Variants in FZD6 observed in about 807,000 individuals in gnomAD.
FZD6 encodes the protein frizzled class receptor 6.
Under a neutral mutation model 61.4 loss-of-function variants are expected in FZD6, and 49 were observed. That is an observed-to-expected ratio of 0.80 (90% CI 0.63 to 1.01). The LOEUF is 1.01. Among genes scored for constraint, FZD6 ranks in the 50% least tolerant of loss-of-function variants. The pLI is 0.00. For missense variants in FZD6, 724 were observed against 848.2 expected (o/e 0.85, Z 1.82); for synonymous variants, 265 against 292.2 (o/e 0.91, Z 0.95).
intron 3 of FZD6, among the ~76,000 whole-genome samples, chr8:103,319,624 C>T (rs1438998554): frequency 6.6e-6 from 1 of 152,148 alleles, no homozygotes; most frequent in African/African-American, 2.4e-5. Flanking sequence ...TTGAGTGCCT[C>T]AGATGGGAAG....
At chr8:103,311,008 T>C (rs1356114525) in intron 2 of FZD6, among the ~76,000 whole-genome samples, 1 of 151,344 alleles carries the variant, frequency 6.6e-6, no homozygotes, top group Non-Finnish European at 1.5e-5. Flanking sequence ...CAGAAACCAA[T>C]TCTGACTAAG....
intron 2 of FZD6, among the ~76,000 whole-genome samples, chr8:103,311,468 T>C (rs1421460658): frequency 6.6e-6 from 1 of 152,036 alleles, no homozygotes; most frequent in Non-Finnish European, 1.5e-5. Context: ...CTGGGAACAG[T>C]GGTTCATACC....
chr8:103,331,928 G>T lies in FZD6; in HGVS notation c.*419G>T. 5.9e-6 allele frequency: 1 copy of T among 168,268 alleles called. No homozygotes were observed. Among genetic ancestry groups the T allele is most frequent in the South Asian group, 1.5e-4 (1 of 6,700 alleles). The allele number at this position is 168,268 out of a possible 1,614,324, so 10.4% of individuals were successfully genotyped here. ...TACATATTTGAAAATAAGCTTATAT[G>T]TATTTGAACTTTTTTGAAATCCTAT... On this transcript the variant is annotated 3_prime_UTR_variant, in exon 7 of 7. Transcript: ENST00000358755.
chr8:103,310,814 A>G (rs997628771), intron 2 of FZD6, among the ~76,000 whole-genome samples: 2 of 152,210 alleles, frequency 1.3e-5, no homozygotes, highest in African/African-American at 2.4e-5. Flanking sequence ...GGTTACAAGG[A>G]TAATTTAATT....
intron 2 of FZD6, among the ~76,000 whole-genome samples, chr8:103,312,715 G>A (rs1019919623): frequency 3.3e-5 from 5 of 152,122 alleles, no homozygotes. Flanking sequence ...CAACTGATTG[G>A]TATAATGAGT....
intron 2 of FZD6, among the ~76,000 whole-genome samples, chr8:103,317,662 C>T (rs1282139150): frequency 6.6e-6 from 1 of 151,910 alleles, no homozygotes; most frequent in Non-Finnish European, 1.5e-5. Context: ...TTCGTCTCTA[C>T]TAAAAATACA....
At position 103,300,273 on chromosome 8, in the gene FZD6, G is replaced by A; in HGVS notation, c.166G>A (p.Val56Met). ...TCATTATGACCAGAGTATTGCCGCG[G>A]TGGAAATGGAGGTGAGTAGTGCTTC... ...MGHYDQSIAA[V>M]EMEHFLPLAN... Residue 56 changes from valine (V) to methionine (M), a missense_variant, in exon 2 of 7, where the codon GTG becomes ATG. Coordinates refer to ENST00000358755, the MANE Select transcript of FZD6 (RefSeq NM_003506.4). The A allele has an allele frequency of 6.2e-7, 1 of 1,608,918 alleles. No individual in the cohort carries two copies. Among genetic ancestry groups the A allele is most frequent in the South Asian group, 1.1e-5 (1 of 90,974 alleles).
intron 3 of FZD6, among the ~76,000 whole-genome samples, chr8:103,323,202 T>C (rs12550097): frequency 0.43 from 65,065 of 151,980 alleles, 14,513 homozygotes; most frequent in East Asian, 0.61. Flanking sequence ...ACCGAATTTG[T>C]GGTAATGAAT....
chr8:103,331,254 A>G (rs1361311386), intron 6 of FZD6, 87 bp from the exon 7 acceptor site: 2 of 875,124 alleles, frequency 2.3e-6, no homozygotes, highest in Non-Finnish European at 4.0e-6. Flanking sequence ...ATAAAGGTGG[A>G]CACTGGTTAG....
chr8:103,321,382 A>G (rs915555727), intron 3 of FZD6, among the ~76,000 whole-genome samples: 15 of 152,350 alleles, frequency 9.8e-5, no homozygotes, highest in Non-Finnish European at 1.8e-4. Flanking sequence ...TAATTCTAGT[A>G]TGGCCTATAC....
At chr8:103,318,343 T>C (rs1563689829) in intron 2 of FZD6, among the ~76,000 whole-genome samples, 1 of 152,158 alleles carries the variant, frequency 6.6e-6, no homozygotes, top group Admixed American at 6.5e-5. Flanking sequence ...GATTTGACAA[T>C]GTGGAGTTTG....
intron 6 of FZD6, 94 bp downstream of exon 6, chr8:103,330,159 ATATAT>A (rs1815082314): frequency 1.7e-6 from 2 of 1,146,858 alleles, no homozygotes; most frequent in Non-Finnish European, 2.6e-6. Flanking sequence ...GCATTTTGTG[ATATAT>A]TATGTCTGTA....
chr8:103,313,603 T>C (rs1478424381), intron 2 of FZD6, among the ~76,000 whole-genome samples: 1 of 152,170 alleles, frequency 6.6e-6, no homozygotes, highest in Non-Finnish European at 1.5e-5. Flanking sequence ...AAAGTGTGCA[T>C]GTGTGCACAC....
At chr8:103,299,708 A>G (rs761900144) in intron 1 of FZD6, among the ~76,000 whole-genome samples, 1 of 152,066 alleles carries the variant, frequency 6.6e-6, no homozygotes, top group Non-Finnish European at 1.5e-5. Context: ...TACTCTTGCC[A>G]TTCCCTCTTT....
At chr8:103,300,556 AT>A (rs1814133834) in intron 2 of FZD6, among the ~76,000 whole-genome samples, 5 of 152,140 alleles carry the variant, frequency 3.3e-5, no homozygotes. Context: ...CCTAGAAAAT[AT>A]TTTGCTTTCC....
At chr8:103,325,541 G>A in intron 4 of FZD6, 43 bp downstream of exon 4, 2 of 1,414,648 alleles carry the variant, frequency 1.4e-6, no homozygotes, top group South Asian at 1.1e-5. Context: ...TACATTTAAT[G>A]TAGAAAATGT....
intron 2 of FZD6, among the ~76,000 whole-genome samples, chr8:103,302,361 C>T (rs986298732): frequency 1.3e-5 from 2 of 151,984 alleles, no homozygotes; most frequent in Non-Finnish European, 2.9e-5. Context: ...GCTTCTTAAC[C>T]TTTTTTATGA....
intron 4 of FZD6, 54 bp from the exon 5 acceptor site, chr8:103,328,214 T>G: frequency 7.4e-7 from 1 of 1,344,154 alleles, no homozygotes. Context: ...AATATAGACT[T>G]CTTTCCACTT....
intron 2 of FZD6, among the ~76,000 whole-genome samples, chr8:103,309,981 C>G (rs1814448338): frequency 6.6e-6 from 1 of 152,086 alleles, no homozygotes; most frequent in Admixed American, 6.5e-5. Context: ...ACTCTAGTTA[C>G]AGGTTGAGAC....
Sources: gnomAD v4.1 joint callset for allele counts (sites outside exome capture counted in the v4.1 genomes callset) on GRCh38, gnomAD v4.1.1 for gene constraint, MANE v1.5 for transcripts, NCBI Gene and HGNC (gene_info 2026-07-23, HGNC 2026-07-21) for gene names.